EXOC6B: variants seen among roughly 807,000 people sequenced by gnomAD.
EXOC6B encodes the protein SEC15 homolog B.
EXOC6B carries 54 observed loss-of-function variants against 113.5 expected under a neutral mutation model. The ratio of observed to expected loss-of-function variants is 0.48; its 90% CI spans 0.38 to 0.60. The LOEUF is 0.60. EXOC6B is among the 20% of genes least tolerant of loss of function. The probability of loss-of-function intolerance (pLI) is 0.00; values close to 1 mark genes in which losing one functional copy is unlikely to be tolerated. For missense variants in EXOC6B, 797 were observed against 977.5 expected (o/e 0.82, Z 2.46); for synonymous variants, 357 against 339.0 (o/e 1.05, Z -0.58).
Position 72,538,901 on chromosome 2 carries a change from G to A in EXOC6B, c.915+20552C>T, listed in dbSNP as rs150267342. Among the ~76,000 whole-genome samples the A allele has an allele frequency of 3.3e-3, 507 of 152,254 alleles. 2 individuals are homozygous for A. Among genetic ancestry groups the A allele is most frequent in the African/African-American group, 0.012 (483 of 41,560 alleles). On this transcript the variant is annotated intron_variant, in intron 8 of 21. Transcript: ENST00000272427. ...GCTATGTTACTACTGTAGTTCTCAAGTTGTAGGACAGAACTCTATGGATGA... is the reference window on the plus strand; with the variant it reads ...GCTATGTTACTACTGTAGTTCTCAAATTGTAGGACAGAACTCTATGGATGA...
At chr2:72,795,076 T>C (rs1020106892) in intron 1 of EXOC6B, among the ~76,000 whole-genome samples, 1 of 152,148 alleles carries the variant, frequency 6.6e-6, no homozygotes, top group Non-Finnish European at 1.5e-5. Context: ...TTTTTGTCAT[T>C]TCACAGATAT....
intron 20 of EXOC6B, among the ~76,000 whole-genome samples, chr2:72,197,072 G>C (rs1572981450): frequency 6.6e-6 from 1 of 152,164 alleles, no homozygotes. Context: ...TGGAAGCAAA[G>C]GAGCAGAAAT....
chr2:72,807,746 G>A (rs1160665456), intron 1 of EXOC6B, among the ~76,000 whole-genome samples: 1 of 151,916 alleles, frequency 6.6e-6, no homozygotes, highest in African/African-American at 2.4e-5. Context: ...AAGTCAAAAC[G>A]ATTGAACTAA....
chr2:72,751,022 G>A (rs1682000804), intron 1 of EXOC6B, among the ~76,000 whole-genome samples: 1 of 151,874 alleles, frequency 6.6e-6, no homozygotes, highest in African/African-American at 2.4e-5. Flanking sequence ...TGTGTAAGAT[G>A]TTTAAAGAAA....
intron 19 of EXOC6B, among the ~76,000 whole-genome samples, chr2:72,348,396 G>A (rs552604016): frequency 6.6e-6 from 1 of 152,184 alleles, no homozygotes; most frequent in South Asian, 2.1e-4. Flanking sequence ...CTTAAAAAAT[G>A]TTGCCCTCTT....
chr2:72,684,024 C>T lies in EXOC6B; in HGVS notation c.669+34079G>A, dbSNP rs574199482. Among the ~76,000 whole-genome samples, 8 of 152,244 alleles carry T rather than the reference C, an allele frequency of 5.3e-5. No homozygotes were observed. In the South Asian group the frequency reaches 1.2e-3, roughly 24 times the overall value. ...TTGGCTCACTGCAACCTCCGCTTCC[C>T]GGGTTCAAGCAATTCTCCTGCCTCA... On this transcript the variant is annotated intron_variant, in intron 6 of 21. Transcript: ENST00000272427.
chr2:72,318,802 C>A (rs1687677670), intron 20 of EXOC6B, among the ~76,000 whole-genome samples: 1 of 151,816 alleles, frequency 6.6e-6, no homozygotes, highest in South Asian at 2.1e-4. Context: ...AATTCATATC[C>A]TTACTGAGAT....
intron 18 of EXOC6B, among the ~76,000 whole-genome samples, chr2:72,427,863 A>G (rs1485916565): frequency 6.6e-6 from 1 of 152,108 alleles, no homozygotes; most frequent in African/African-American, 2.4e-5. Context: ...CCATGGACCA[A>G]TTGGCACACA....
intron 16 of EXOC6B, 66 bp from the exon 17 acceptor site, chr2:72,480,816 G>A (rs774233651): frequency 8.7e-5 from 128 of 1,463,138 alleles, no homozygotes; most frequent in Non-Finnish European, 1.1e-4. Flanking sequence ...GGCTCAATAT[G>A]AATCTGCCGG....
At chr2:72,536,496 A>G (rs544775511) in intron 8 of EXOC6B, among the ~76,000 whole-genome samples, 1 of 152,214 alleles carries the variant, frequency 6.6e-6, no homozygotes, top group African/African-American at 2.4e-5. Flanking sequence ...TCTTACCATC[A>G]CTTTTTTAAA....
At chr2:72,304,553 G>A (rs1311934927) in intron 20 of EXOC6B, among the ~76,000 whole-genome samples, 1 of 152,022 alleles carries the variant, frequency 6.6e-6, no homozygotes, top group Non-Finnish European at 1.5e-5. Context: ...AATTTCCATA[G>A]TTAGAAAAGG....
intron 6 of EXOC6B, among the ~76,000 whole-genome samples, chr2:72,671,901 GAGAAAGAA>G (rs776339640): frequency 6.7e-6 from 1 of 148,308 alleles, no homozygotes; most frequent in Admixed American, 6.7e-5. Context: ...GGAAAAGAAA[GAGAAAGAA>G]AGAAAGAAAA....
chr2:72,433,661 T>G (rs1695679368), intron 18 of EXOC6B, among the ~76,000 whole-genome samples: 1 of 152,198 alleles, frequency 6.6e-6, no homozygotes, highest in South Asian at 2.1e-4. Context: ...TTATTCTCTT[T>G]GTAGCAATTG....
intron 6 of EXOC6B, among the ~76,000 whole-genome samples, chr2:72,649,026 G>T (rs1222818587): frequency 1.3e-5 from 2 of 152,152 alleles, no homozygotes; most frequent in African/African-American, 4.8e-5. Context: ...TGTAGTCCCA[G>T]CTACTCAGGA....
intron 20 of EXOC6B, among the ~76,000 whole-genome samples, chr2:72,329,056 G>A (rs1007438513): frequency 6.6e-6 from 1 of 152,040 alleles, no homozygotes; most frequent in Non-Finnish European, 1.5e-5. Flanking sequence ...TATCTCTACT[G>A]ACAACATTAC....
In EXOC6B at chr2:72,668,660, G is replaced by A. The variant is rs369780753; in HGVS notation, c.669+49443C>T. On this transcript the variant is annotated intron_variant, in intron 6 of 21. Transcript: ENST00000272427. ...AAGCCATTATCCTAAGTAAACTAAT[G>A]CAAAAACAGAAAACCAAATACCACA... Among the ~76,000 whole-genome samples, 23 of 152,194 alleles carry A rather than the reference G, an allele frequency of 1.5e-4. 2 individuals carry two copies. Among genetic ancestry groups the A allele is most frequent in the African/African-American group, 4.6e-4 (19 of 41,528 alleles).
At chr2:72,183,538 C>T (rs867684395) in intron 21 of EXOC6B, among the ~76,000 whole-genome samples, 1 of 152,206 alleles carries the variant, frequency 6.6e-6, no homozygotes, top group Admixed American at 6.5e-5. Context: ...CCTTCTCCAA[C>T]ACAGCTTTGT....
chr2:72,808,934 G>A (rs920149496), intron 1 of EXOC6B, among the ~76,000 whole-genome samples: 66 of 151,992 alleles, frequency 4.3e-4, no homozygotes, highest in African/African-American at 1.4e-3. Context: ...ATATTAGCTG[G>A]GTGTGGTATA....
chr2:72,415,415 TAAAAC>T (rs2105238948), intron 18 of EXOC6B, among the ~76,000 whole-genome samples: 3 of 151,720 alleles, frequency 2.0e-5, no homozygotes, highest in South Asian at 4.2e-4. Context: ...TCTTCATAGA[TAAAAC>T]AAACAGAAAA....
Sources: gnomAD v4.1 joint callset for allele counts (sites outside exome capture counted in the v4.1 genomes callset) on GRCh38, gnomAD v4.1.1 for gene constraint, MANE v1.5 for transcripts, NCBI Gene and HGNC (gene_info 2026-07-23, HGNC 2026-07-21) for gene names.